The following PPARGC1A variants were observed in gnomAD, a reference collection of about 807,000 sequenced individuals.
The protein encoded by PPARGC1A is peroxisome proliferator-activated receptor gamma coactivator 1-alpha.
Under a neutral mutation model 88.7 loss-of-function variants are expected in PPARGC1A, and 25 were observed. The ratio of observed to expected loss-of-function variants is 0.28; its 90% confidence interval spans 0.21 to 0.39. The LOEUF (loss-of-function observed/expected upper bound fraction) is 0.39. Ranked by LOEUF, PPARGC1A falls within the 10% of genes least tolerant of loss-of-function variation. The pLI is 1.00. For synonymous variants in PPARGC1A, 363 were observed against 355.6 expected (o/e 1.02, Z -0.24); for missense variants, 880 against 968.7 (o/e 0.91, Z 1.22).
intron 1 of PPARGC1A, chr4:23,889,379 C>G: frequency 1.0e-6 from 1 of 984,840 alleles, no homozygotes; most frequent in South Asian, 4.7e-5. Flanking sequence ...GTGGGAAAAG[C>G]AATCTAAAAT....
the PPARGC1A span, among the ~76,000 whole-genome samples, chr4:24,162,587 C>T: frequency 7.3e-6 from 1 of 136,332 alleles, no homozygotes; most frequent in East Asian, 2.2e-4. Context: ...ATGTTCCTTA[C>T]TTCCTTTTTT....
At chr4:24,230,363 G>A in the PPARGC1A span, among the ~76,000 whole-genome samples, 1 of 152,172 alleles carries the variant, frequency 6.6e-6, no homozygotes, top group African/African-American at 2.4e-5. Context: ...TGAGGAAGGT[G>A]TGAGTAGGAC....
At chr4:24,402,553 G>A in the PPARGC1A span, among the ~76,000 whole-genome samples, 5 of 152,186 alleles carry the variant, frequency 3.3e-5, no homozygotes, top group Non-Finnish European at 5.9e-5. Context: ...TACATTGCCC[G>A]AGGACAGATA....
chr4:23,870,010 A>G (rs1712945197), intron 2 of PPARGC1A, among the ~76,000 whole-genome samples: 1 of 152,248 alleles, frequency 6.6e-6, no homozygotes, highest in Non-Finnish European at 1.5e-5. Context: ...ATGTAATCTA[A>G]CAGATTATAA....
the PPARGC1A span, among the ~76,000 whole-genome samples, chr4:24,001,513 T>C: frequency 1.3e-5 from 2 of 152,148 alleles, no homozygotes; most frequent in Non-Finnish European, 2.9e-5. Context: ...ATAGCAACAA[T>C]TTAGCAACTG....
the PPARGC1A span, among the ~76,000 whole-genome samples, chr4:24,333,748 A>G: frequency 6.6e-6 from 1 of 152,200 alleles, no homozygotes; most frequent in Non-Finnish European, 1.5e-5. Context: ...AGCCTGGTCA[A>G]CATGGTAAAA....
the PPARGC1A span, among the ~76,000 whole-genome samples, chr4:24,234,179 C>A: frequency 6.6e-6 from 1 of 152,168 alleles, no homozygotes; most frequent in Non-Finnish European, 1.5e-5. Context: ...CTGCATGGAA[C>A]CAGCATACTT....
chr4:23,963,190 C>T, the PPARGC1A span, among the ~76,000 whole-genome samples: 1 of 152,122 alleles, frequency 6.6e-6, no homozygotes, highest in Admixed American at 6.5e-5. Flanking sequence ...AGCATTAAAC[C>T]TAGAAGATCT....
intron 12 of PPARGC1A, among the ~76,000 whole-genome samples, chr4:23,799,944 T>C (rs917616607): frequency 5.9e-5 from 9 of 152,222 alleles, no homozygotes; most frequent in African/African-American, 2.2e-4. Context: ...AGCCAACATT[T>C]GAACAAATGA....
chr4:24,469,798 C>G, the PPARGC1A span, among the ~76,000 whole-genome samples: 1 of 152,102 alleles, frequency 6.6e-6, no homozygotes, highest in Non-Finnish European at 1.5e-5. Flanking sequence ...TTTTAAAACG[C>G]CCCCCTCCGC....
the PPARGC1A span, among the ~76,000 whole-genome samples, chr4:24,128,601 G>A: frequency 6.7e-6 from 1 of 149,468 alleles, no homozygotes; most frequent in Non-Finnish European, 1.5e-5. Context: ...TGTGTACAAT[G>A]GTATGGACGC....
the PPARGC1A span, among the ~76,000 whole-genome samples, chr4:24,354,652 C>G: frequency 6.6e-6 from 1 of 152,078 alleles, no homozygotes; most frequent in South Asian, 2.1e-4. Flanking sequence ...TTTGGGAGGC[C>G]AAGGCGTGTG....
the PPARGC1A span, among the ~76,000 whole-genome samples, chr4:24,112,984 G>A: frequency 6.6e-6 from 1 of 152,134 alleles, no homozygotes; most frequent in African/African-American, 2.4e-5. Context: ...TGCAGAAAGG[G>A]CTACTGTGTT....
At chr4:24,049,213 TAAATATATATATACATATATATAA>T in the PPARGC1A span, among the ~76,000 whole-genome samples, 10 of 8,764 alleles carry the variant, frequency 1.1e-3, no homozygotes, top group African/African-American at 1.4e-3. Context: ...CACATATATA[TAAATATATATATACATATATATAA>T]ATATATATAC....
intron 10 of PPARGC1A, among the ~76,000 whole-genome samples, chr4:23,807,559 T>C (rs1720037241): frequency 6.6e-6 from 1 of 152,186 alleles, no homozygotes; most frequent in Admixed American, 6.5e-5. Context: ...TATGCATAAC[T>C]ACTTTTTAAA....
At chr4:23,824,531 A>C (rs755333921) in intron 5 of PPARGC1A, 23 bp from the exon 6 acceptor site, 2 of 1,558,184 alleles carry the variant, frequency 1.3e-6, no homozygotes, top group South Asian at 2.3e-5. Context: ...AAAAGAAACT[A>C]ATTATGTAAT....
the PPARGC1A span, among the ~76,000 whole-genome samples, chr4:24,334,287 A>G: frequency 6.6e-6 from 1 of 152,224 alleles, no homozygotes; most frequent in African/African-American, 2.4e-5. Flanking sequence ...CCCATTTTAT[A>G]GATGAGAAAA....
the PPARGC1A span, among the ~76,000 whole-genome samples, chr4:24,246,357 G>C: frequency 6.6e-6 from 1 of 152,160 alleles, no homozygotes; most frequent in Non-Finnish European, 1.5e-5. Context: ...TGTGCCTGGG[G>C]AAACACCTAC....
At chr4:24,418,512 G>A in the PPARGC1A span, among the ~76,000 whole-genome samples, 4 of 151,720 alleles carry the variant, frequency 2.6e-5, no homozygotes, top group Admixed American at 6.6e-5. Context: ...CCATTATCAA[G>A]TCATTTTCTA....
Sources: allele counts gnomAD v4.1 joint callset (sites outside exome capture counted in the v4.1 genomes callset), GRCh38; gene constraint gnomAD v4.1.1; transcripts MANE v1.5; gene names NCBI Gene and HGNC (gene_info 2026-07-23, HGNC 2026-07-21).